Variants in RIT2 observed in about 807,000 individuals in gnomAD.
RIT2 encodes GTP-binding protein Rit2.
A neutral mutation model predicts 23.7 loss-of-function variants in RIT2; 24 were observed. The observed-to-expected ratio is 1.01, with a 90% CI of 0.73 to 1.43. The LOEUF is 1.43. RIT2 is among the 40% of genes most tolerant of loss of function. The pLI is 0.00. For missense variants in RIT2, 236 were observed against 266.9 expected (o/e 0.88, Z 0.81); for synonymous variants, 107 against 91.1 (o/e 1.17, Z -0.99).
intron 2 of RIT2, among the ~76,000 whole-genome samples, chr18:43,029,323 G>A (rs1026623246): frequency 6.6e-6 from 1 of 152,030 alleles, no homozygotes; most frequent in Non-Finnish European, 1.5e-5. Flanking sequence ...TTGAAAATAG[G>A]ACATGTAAGT....
At chr18:42,828,556 A>T (rs544382736) in intron 4 of RIT2, among the ~76,000 whole-genome samples, 1 of 152,326 alleles carries the variant, frequency 6.6e-6, no homozygotes, top group East Asian at 1.9e-4. Flanking sequence ...CTGTTAAGCA[A>T]TTAAGTTGGT....
chr18:42,761,182 T>C (rs1389629348), intron 4 of RIT2, among the ~76,000 whole-genome samples: 1 of 152,194 alleles, frequency 6.6e-6, no homozygotes, highest in Non-Finnish European at 1.5e-5. Flanking sequence ...AAATTCCTTG[T>C]TTTCCTTCAT....
chr18:42,889,197 A>G (rs1014539392), intron 4 of RIT2, among the ~76,000 whole-genome samples: 1 of 152,118 alleles, frequency 6.6e-6, no homozygotes, highest in African/African-American at 2.4e-5. Context: ...AATAAATGAC[A>G]AATCCTATTT....
intron 4 of RIT2, among the ~76,000 whole-genome samples, chr18:42,834,861 G>T (rs1240970393): frequency 2.6e-5 from 4 of 152,076 alleles, no homozygotes; most frequent in Non-Finnish European, 5.9e-5. Context: ...TGAATTCATT[G>T]CATCCTTTAG....
intron 3 of RIT2, among the ~76,000 whole-genome samples, chr18:42,933,289 A>AAT (rs1909372132): frequency 6.6e-6 from 1 of 152,126 alleles, no homozygotes; most frequent in Non-Finnish European, 1.5e-5. Flanking sequence ...ATTGGGAGAA[A>AAT]AATGTTTTAA....
chr18:42,918,888 C>G (rs1013548185), intron 4 of RIT2, among the ~76,000 whole-genome samples: 32 of 152,098 alleles, frequency 2.1e-4, no homozygotes, highest in African/African-American at 7.0e-4. Flanking sequence ...CTTACTTGGT[C>G]AAGATATTCA....
At chr18:43,073,475 C>T (rs1054760655) in intron 1 of RIT2, among the ~76,000 whole-genome samples, 4 of 152,138 alleles carry the variant, frequency 2.6e-5, no homozygotes, top group African/African-American at 7.2e-5. Flanking sequence ...CTTTGTGATG[C>T]TAGCTCCAAA....
At chr18:43,105,816 C>T (rs867083581) in intron 1 of RIT2, among the ~76,000 whole-genome samples, 2 of 152,156 alleles carry the variant, frequency 1.3e-5, no homozygotes, top group Non-Finnish European at 2.9e-5. Context: ...TTGTCATCCC[C>T]ATTTTACAGA....
At chr18:43,013,701 A>G (rs1911405538) in intron 2 of RIT2, among the ~76,000 whole-genome samples, 1 of 151,546 alleles carries the variant, frequency 6.6e-6, no homozygotes, top group Non-Finnish European at 1.5e-5. Flanking sequence ...CAGAGTAACT[A>G]TCTGTATGAT....
chr18:42,767,233 G>T, intron 4 of RIT2, among the ~76,000 whole-genome samples: 1 of 152,204 alleles, frequency 6.6e-6, no homozygotes, highest in South Asian at 2.1e-4. Flanking sequence ...GCCCATGAAA[G>T]AAGCTGGGTG....
At chr18:42,933,665 T>C (rs1463547365) in intron 3 of RIT2, among the ~76,000 whole-genome samples, 1 of 152,134 alleles carries the variant, frequency 6.6e-6, no homozygotes. Flanking sequence ...ATTTACTTCC[T>C]ATTCCACCAT....
At chr18:42,985,565 T>C (rs1441260041) in intron 2 of RIT2, among the ~76,000 whole-genome samples, 1 of 152,122 alleles carries the variant, frequency 6.6e-6, no homozygotes. Flanking sequence ...ATAAACAGAA[T>C]AGAGAACCTA....
At chr18:42,943,107 C>T (rs932914791) in intron 3 of RIT2, among the ~76,000 whole-genome samples, 47 of 152,124 alleles carry the variant, frequency 3.1e-4, no homozygotes, top group African/African-American at 1.0e-3. Flanking sequence ...GAAGGGGACC[C>T]GAACAGGTTG....
intron 4 of RIT2, among the ~76,000 whole-genome samples, chr18:42,762,730 A>C (rs1401415331): frequency 2.6e-5 from 4 of 152,190 alleles, no homozygotes; most frequent in African/African-American, 9.7e-5. Context: ...TCCTTCAATG[A>C]CCTACTCCAA....
At chr18:42,838,079 C>A (rs1296808198) in intron 4 of RIT2, among the ~76,000 whole-genome samples, 1 of 152,164 alleles carries the variant, frequency 6.6e-6, no homozygotes, top group East Asian at 1.9e-4. Flanking sequence ...CCAGATCCCA[C>A]TACAAAATCG....
chr18:42,864,005 CTA>C (rs10548165), intron 4 of RIT2, among the ~76,000 whole-genome samples: 3,843 of 151,352 alleles, frequency 0.025, 162 homozygotes, highest in African/African-American at 0.086. Context: ...ACTAGCAACT[CTA>C]TTCACAAATT....
At chr18:43,026,626 A>AAGAAAGAG (rs1555652910) in intron 2 of RIT2, among the ~76,000 whole-genome samples, 12 of 127,016 alleles carry the variant, frequency 9.4e-5, no homozygotes, top group African/African-American at 3.1e-4. Context: ...GAAAGAAAGA[A>AAGAAAGAG]AGAAAGAAAG....
intron 1 of RIT2, among the ~76,000 whole-genome samples, chr18:43,049,941 T>G (rs562599449): frequency 3.2e-4 from 47 of 147,788 alleles, no homozygotes; most frequent in African/African-American, 1.0e-3. Flanking sequence ...AACTTTCTTC[T>G]GAAAGCAATG....
chr18:42,841,981 A>G (rs796855023), intron 4 of RIT2, among the ~76,000 whole-genome samples: 1 of 152,226 alleles, frequency 6.6e-6, no homozygotes, highest in Non-Finnish European at 1.5e-5. Context: ...CAAGTTGAAG[A>G]TATCACATTA....
Sources: allele counts gnomAD v4.1 joint callset (sites outside exome capture counted in the v4.1 genomes callset), GRCh38; gene constraint gnomAD v4.1.1; transcripts MANE v1.5; gene names NCBI Gene and HGNC (gene_info 2026-07-23, HGNC 2026-07-21).